Variants in NRG1 observed in about 807,000 individuals in gnomAD.
NRG1 encodes pro-neuregulin-1, membrane-bound isoform.
NRG1 carries 18 observed loss-of-function variants against 63.8 expected under a neutral mutation model. That is an observed-to-expected ratio of 0.28 (90% CI 0.19 to 0.42). The LOEUF is 0.42. NRG1 is among the 10% of genes least tolerant of loss of function. NRG1 has a pLI of 1.00. For synonymous variants in NRG1, 302 were observed against 301.3 expected (o/e 1.00, Z -0.02); for missense variants, 762 against 814.7 (o/e 0.94, Z 0.79).
chr8:31,763,249 GAA>G (rs564082596), intron 1 of NRG1, among the ~76,000 whole-genome samples: 2 of 152,128 alleles, frequency 1.3e-5, no homozygotes, highest in South Asian at 4.1e-4. Context: ...TTTCTCTGTG[GAA>G]TTTGATCTTA....
intron 1 of NRG1, among the ~76,000 whole-genome samples, chr8:32,493,220 A>G (rs1360129129): frequency 6.6e-6 from 1 of 152,156 alleles, no homozygotes; most frequent in Admixed American, 6.5e-5. Flanking sequence ...CTAAGACAGC[A>G]GACTAGTGAC....
chr8:32,365,870 A>G (rs1807907606), intron 1 of NRG1, among the ~76,000 whole-genome samples: 2 of 152,198 alleles, frequency 1.3e-5, no homozygotes, highest in Non-Finnish European at 2.9e-5. Context: ...TTCCCCATTG[A>G]TATGTCTTGG....
chr8:32,137,470 T>C (rs1835694675), intron 1 of NRG1, among the ~76,000 whole-genome samples: 1 of 151,972 alleles, frequency 6.6e-6, no homozygotes, highest in Non-Finnish European at 1.5e-5. Context: ...TAAAAGACAT[T>C]AGCCATCTGG....
chr8:32,473,842 C>G (rs1824146014), intron 1 of NRG1, among the ~76,000 whole-genome samples: 1 of 152,068 alleles, frequency 6.6e-6, no homozygotes, highest in Non-Finnish European at 1.5e-5. Flanking sequence ...CACCATCAGG[C>G]CCAACTACAT....
At chr8:32,357,959 T>A (rs1806675336) in intron 1 of NRG1, among the ~76,000 whole-genome samples, 1 of 152,160 alleles carries the variant, frequency 6.6e-6, no homozygotes, top group South Asian at 2.1e-4. Flanking sequence ...ACCCTTTAAT[T>A]GTACCCAATT....
chr8:31,853,913 T>C (rs1827540375), intron 1 of NRG1, among the ~76,000 whole-genome samples: 2 of 151,716 alleles, frequency 1.3e-5, no homozygotes, highest in Non-Finnish European at 2.9e-5. Context: ...CTGGATTACA[T>C]TTATTGATTT....
At chr8:32,019,636 A>G (rs1235258490) in intron 1 of NRG1, among the ~76,000 whole-genome samples, 1 of 151,502 alleles carries the variant, frequency 6.6e-6, no homozygotes, top group East Asian at 1.9e-4. Context: ...ATATTTTTCT[A>G]CTCTTCTAGA....
At chr8:32,701,621 A>G (rs570775920) in intron 5 of NRG1, among the ~76,000 whole-genome samples, 6 of 152,356 alleles carry the variant, frequency 3.9e-5, no homozygotes, top group African/African-American at 1.4e-4. Flanking sequence ...ATTTTGAAGT[A>G]GGCCAAGCTG....
rs36040084 is a variant in NRG1 at position 31,742,455 on chromosome 8, AT to A, written c.37+103050del. Among the ~76,000 whole-genome samples, 155 of 80,022 alleles carry A rather than the reference AT, an allele frequency of 1.9e-3. 5 individuals are homozygous for A. The highest frequency in any genetic ancestry group is 0.011 in the Admixed American group (56 of 5,314). The allele number at this position is 80,022 out of a possible 152,430, so 52.5% of individuals were successfully genotyped here. The stretch of plus-strand genomic sequence containing the variant: ...GCAACGACAGACAACTTTTTTAAGA[AT>A]TTTTTTTTTTTTTTTTTTTTTTTTT... On this transcript the variant is annotated intron_variant, in intron 1 of 10. Coordinates refer to the NRG1 transcript ENST00000519301.
chr8:32,107,149 T>C (rs1238143380), intron 1 of NRG1, among the ~76,000 whole-genome samples: 4 of 152,052 alleles, frequency 2.6e-5, no homozygotes, highest in African/African-American at 7.2e-5. Flanking sequence ...GGCAGGAGTA[T>C]CGCTTGAACC....
rs187846510 is a variant in NRG1 at position 32,574,820 on chromosome 8, G to A, written c.101-21008G>A. ...TATTTTTTACAGCAATGCAAGAATG[G>A]CCTAACACAATGTGTAATCTTTGTT... On this transcript the variant is annotated intron_variant, in intron 1 of 11. Coordinates refer to ENST00000356819, the Ensembl canonical transcript of NRG1. 1.8e-4 allele frequency among the ~76,000 whole-genome samples: 28 copies of A among 152,262 alleles called. No homozygotes were observed. In the East Asian group the frequency reaches 5.0e-3, roughly 27 times the overall value.
At chr8:31,673,109 G>A (rs546702043) in intron 1 of NRG1, among the ~76,000 whole-genome samples, 8 of 152,066 alleles carry the variant, frequency 5.3e-5, no homozygotes, top group East Asian at 1.9e-4. Context: ...ATAAAAAGTC[G>A]TTTATGTTTT....
At chr8:32,237,600 T>G (rs886158921) in intron 1 of NRG1, among the ~76,000 whole-genome samples, 5 of 152,172 alleles carry the variant, frequency 3.3e-5, no homozygotes, top group Admixed American at 6.5e-5. Context: ...GAGATAAGTA[T>G]GTAAGTCTTT....
chr8:31,732,232 A>T (rs941646310), intron 1 of NRG1, among the ~76,000 whole-genome samples: 1 of 152,132 alleles, frequency 6.6e-6, no homozygotes, highest in Non-Finnish European at 1.5e-5. Context: ...CGATTAGACA[A>T]TGCTTTGCCT....
chr8:32,308,719 G>A lies in NRG1; in HGVS notation c.38-287109G>A, dbSNP rs532560241. ...TGTGTCCCCGGCCTTTACAAATGAA[G>A]TGTTCAGATGCAAGCCATTCTCTTA... is the stretch of plus-strand genomic sequence containing the variant. On this transcript the variant is annotated intron_variant, in intron 1 of 10. Coordinates refer to the NRG1 transcript ENST00000519301. 2.5e-4 allele frequency among the ~76,000 whole-genome samples: 38 copies of A among 152,280 alleles called. No individual in the cohort carries two copies. The East Asian group carries it at 6.8e-3, about 27-fold the overall frequency.
At chr8:31,858,191 C>T (rs1456950921) in intron 1 of NRG1, among the ~76,000 whole-genome samples, 13 of 151,480 alleles carry the variant, frequency 8.6e-5, no homozygotes, top group East Asian at 2.0e-4. Flanking sequence ...CCCAGCTACT[C>T]GGGAGGCTGA....
chr8:32,270,979 T>G (rs980812068), intron 1 of NRG1, among the ~76,000 whole-genome samples: 1 of 152,200 alleles, frequency 6.6e-6, no homozygotes, highest in South Asian at 2.1e-4. Context: ...TAAATTAAAG[T>G]AGGTCTTTTT....
chr8:32,002,059 TGTGGGCCATGCTGGA>T (rs1813020716), intron 1 of NRG1, among the ~76,000 whole-genome samples: 3 of 152,208 alleles, frequency 2.0e-5, no homozygotes, highest in African/African-American at 7.2e-5. Context: ...AGTCTTACTC[TGTGGGCCATGCTGGA>T]GTGCAGTAGC....
chr8:32,409,626 A>T (rs1814604842), intron 1 of NRG1, among the ~76,000 whole-genome samples: 1 of 152,196 alleles, frequency 6.6e-6, no homozygotes, highest in Non-Finnish European at 1.5e-5. Flanking sequence ...AGGCACAGTT[A>T]ATGGAAAATG....
Sources: gnomAD v4.1 joint callset for allele counts (sites outside exome capture counted in the v4.1 genomes callset) on GRCh38, gnomAD v4.1.1 for gene constraint, MANE v1.5 for transcripts, NCBI Gene and HGNC (gene_info 2026-07-23, HGNC 2026-07-21) for gene names.